Variants in PCCB observed in about 807,000 individuals in gnomAD.
PCCB encodes the protein propionyl-CoA carboxylase beta chain, mitochondrial.
Under a neutral mutation model 60.7 loss-of-function variants are expected in PCCB, and 43 were observed. That is an observed-to-expected ratio of 0.71 (90% CI 0.55 to 0.91). PCCB has a LOEUF of 0.91. Among genes scored for constraint, PCCB ranks in the 40% least tolerant of loss-of-function variants. The pLI is 0.00. For missense variants in PCCB, 766 were observed against 702.8 expected (o/e 1.09, Z -1.02); for synonymous variants, 276 against 255.9 (o/e 1.08, Z -0.75).
At chr3:136,265,608 T>C (rs1363975707) in intron 5 of PCCB, among the ~76,000 whole-genome samples, 1 of 152,224 alleles carries the variant, frequency 6.6e-6, no homozygotes, top group Non-Finnish European at 1.5e-5. Flanking sequence ...CTGTGAACAT[T>C]TGTGTATTAC....
rs115533065 is a variant in PCCB, at chr3:136,330,117, C to A, written c.*91C>A. 1.1e-4 allele frequency: 184 copies of A among 1,602,780 alleles called. No individual in the cohort carries two copies. The African/African-American group carries it at 1.8e-3, about 15-fold the overall frequency. On this transcript the variant is annotated 3_prime_UTR_variant, in exon 15 of 15. Coordinates refer to ENST00000251654, the MANE Select transcript of PCCB (RefSeq NM_000532.5). The stretch of plus-strand genomic sequence containing the variant: ...TTTTGCAATCATGAAACCTGGGAAT[C>A]CAAATAGTTGGATAACTTAGAATAA...
chr3:136,259,128 GC>G, intron 3 of PCCB: 1 of 1,441,692 alleles, frequency 6.9e-7, no homozygotes, highest in Non-Finnish European at 9.1e-7. Flanking sequence ...AGCAGAAGAA[GC>G]AGTGAGAGCT....
intron 5 of PCCB, among the ~76,000 whole-genome samples, chr3:136,265,213 T>TATATATATATATATATATATATATATA (rs1941954969): frequency 2.0e-5 from 3 of 151,996 alleles, no homozygotes; most frequent in African/African-American, 7.2e-5. Context: ...AGTAGCTTTA[T>TATATATATATATATATATATATATATA]TGAGATATAA....
intron 14 of PCCB, among the ~76,000 whole-genome samples, chr3:136,329,154 G>A (rs928292890): frequency 3.3e-5 from 5 of 152,204 alleles, no homozygotes; most frequent in Admixed American, 1.3e-4. Context: ...ACTAACCACC[G>A]TTTCCCCCAC....
intron 9 of PCCB, among the ~76,000 whole-genome samples, chr3:136,315,248 G>A (rs1004870045): frequency 6.6e-6 from 1 of 152,134 alleles, no homozygotes; most frequent in Non-Finnish European, 1.5e-5. Context: ...CATATAATAA[G>A]AAATAGTGGC....
Position 136,293,843 on chromosome 3 carries a change from A to G in PCCB, c.742A>G (p.Lys248Glu). The G allele has an allele frequency of 6.2e-7, 1 of 1,601,536 alleles. No homozygotes were observed. Among genetic ancestry groups the G allele is most frequent in the Non-Finnish European group, 8.6e-7 (1 of 1,168,730 alleles). The change falls in exon 7 of 15, where the codon AAG becomes GAG. Residue 248 changes from lysine to glutamate, a missense_variant. Transcript: ENST00000251654. ...DVTQEELGGA[K>E]THTTMSGVAH... ...TACCCAGGAGGAGCTCGGTGGTGCCAAGACCCACACCACCATGTCAGGTGA... is the reference window on the plus strand; with the variant it reads ...TACCCAGGAGGAGCTCGGTGGTGCCGAGACCCACACCACCATGTCAGGTGA...
intron 7 of PCCB, among the ~76,000 whole-genome samples, chr3:136,294,239 C>G (rs1344789132): frequency 6.6e-6 from 1 of 152,058 alleles, no homozygotes; most frequent in Non-Finnish European, 1.5e-5. Flanking sequence ...TCTTAGAGTA[C>G]ATAAGTGTTT....
chr3:136,277,254 C>A (rs1942351673), intron 5 of PCCB, among the ~76,000 whole-genome samples: 1 of 152,186 alleles, frequency 6.6e-6, no homozygotes, highest in Non-Finnish European at 1.5e-5. Flanking sequence ...CAGGGTTTTG[C>A]AGGCAATGAT....
rs959605474 is a variant in PCCB, at chr3:136,314,688, CAAAA to C, written c.967-2249_967-2246del. On this transcript the variant is annotated intron_variant, in intron 9 of 14. Transcript: ENST00000251654. ...CAAAAACAAAAACAAAAAAACAAAACAAAAAAACTCACCATTTGGCAGCTATCAT... is the reference window on the plus strand; with the variant it reads ...CAAAAACAAAAACAAAAAAACAAAACAAACTCACCATTTGGCAGCTATCAT... 2.6e-5 allele frequency among the ~76,000 whole-genome samples: 4 copies of C among 151,862 alleles called. No homozygotes were observed. In the East Asian group the frequency reaches 5.8e-4, roughly 22 times the overall value.
At chr3:136,291,604 C>T (rs1440211146) in intron 6 of PCCB, among the ~76,000 whole-genome samples, 4 of 152,082 alleles carry the variant, frequency 2.6e-5, no homozygotes, top group Admixed American at 6.5e-5. Flanking sequence ...GTGGCTAGAG[C>T]GGGTTGGGGC....
Position 136,283,849 on chromosome 3 carries a change from G to A in PCCB, c.556G>A (p.Ala186Thr). The change falls in exon 6 of 15, where the codon GCA (alanine) becomes ACA (threonine). Residue 186 changes from alanine to threonine, a missense_variant. Physicochemically the swap from Ala to Thr is moderately conservative, Grantham distance 58 (BLOSUM62 0). Transcript: ENST00000251654. Reference protein sequence around the residue: ...YADIFLRNVTASGVIPQISLI... With the variant: ...YADIFLRNVTTSGVIPQISLI... ...TCTGTTTTGGCAGAGGAATGTTACGGCATCCGGAGTCATCCCTCAGATTTC... is the reference window on the plus strand; with the variant it reads ...TCTGTTTTGGCAGAGGAATGTTACGACATCCGGAGTCATCCCTCAGATTTC... The A allele has an allele frequency of 6.2e-7, 1 of 1,611,736 alleles. No individual in the cohort carries two copies. Among genetic ancestry groups the A allele is most frequent in the Non-Finnish European group, 8.5e-7 (1 of 1,177,904 alleles).
intron 5 of PCCB, among the ~76,000 whole-genome samples, chr3:136,275,324 A>G (rs529017225): frequency 3.3e-5 from 5 of 151,574 alleles, no homozygotes; most frequent in Non-Finnish European, 4.4e-5. Context: ...TTTCCTTCAT[A>G]TTCTGAATTG....
chr3:136,323,460 A>C (rs7633476), intron 10 of PCCB, among the ~76,000 whole-genome samples: 1 of 151,842 alleles, frequency 6.6e-6, no homozygotes, highest in Non-Finnish European at 1.5e-5. Context: ...TTCTTTGTCC[A>C]TGTTTTCCTT....
At chr3:136,269,570 G>A (rs4678428) in intron 5 of PCCB, among the ~76,000 whole-genome samples, 112,749 of 152,106 alleles carry the variant, frequency 0.74, 42,052 homozygotes, top group East Asian at 0.86. Flanking sequence ...CTGTAGTACA[G>A]TGTTAAGTAG....
intron 3 of PCCB, chr3:136,260,057 TTTTTGTTTTG>T (rs10602343): frequency 0.01 from 2,662 of 256,600 alleles, 72 homozygotes; most frequent in African/African-American, 0.058. Flanking sequence ...CGGGCAACTT[TTTTTGTTTTG>T]TTTTGTTTTG....
intron 10 of PCCB, among the ~76,000 whole-genome samples, chr3:136,318,347 G>C (rs182999096): frequency 1.3e-5 from 2 of 152,108 alleles, no homozygotes; most frequent in Admixed American, 1.3e-4. Context: ...CCGAGATCAC[G>C]CCACTGCATG....
chr3:136,316,963 T>C lies in PCCB; in HGVS notation c.989T>C (p.Phe330Ser). The C allele has an allele frequency of 6.2e-7, 1 of 1,614,166 alleles. No homozygotes were observed. Among genetic ancestry groups the C allele is most frequent in the Non-Finnish European group, 8.5e-7 (1 of 1,179,990 alleles). ...IHSVVDEREF[F>S]EIMPNYAKNI... ...CAGGTTGTTGATGAGCGTGAATTTT[T>C]TGAGATCATGCCCAATTATGCCAAG... The change falls in exon 10 of 15, where the codon TTT (phenylalanine) becomes TCT (serine). Residue 330 changes from phenylalanine (F) to serine (S), a missense_variant. Physicochemically the swap from Phe to Ser is radical, Grantham distance 155. Transcript: ENST00000251654.
At position 136,303,448 on chromosome 3, in the gene PCCB, T is replaced by C. The variant is rs1934357181; in HGVS notation, c.966+2337T>C. 1.6e-5 allele frequency among the ~76,000 whole-genome samples: 2 copies of C among 122,528 alleles called. 1 individual carries two copies. Among genetic ancestry groups the C allele is most frequent in the African/African-American group, 5.0e-5 (2 of 40,116 alleles). 80.4% of individuals were successfully genotyped at this position (122,528 alleles called of 152,430 possible). A position where few individuals can be genotyped will look rare whatever the true frequency, so the allele number is the denominator to read the frequency against. Reference sequence around the variant, plus strand: ...AAATCTATCCTAGTAGATTTCTGAATACTAAACTTCCTTCATTCCTGAAGT... The same window carrying C: ...AAATCTATCCTAGTAGATTTCTGAACACTAAACTTCCTTCATTCCTGAAGT... On this transcript the variant is annotated intron_variant, in intron 9 of 14. Transcript: ENST00000251654.
chr3:136,252,518 A>T (rs1296697684), intron 1 of PCCB: 2 of 331,250 alleles, frequency 6.0e-6, no homozygotes, highest in Non-Finnish European at 1.2e-5. Flanking sequence ...AAGTGCTGGG[A>T]TGACAGAATT....
Sources: allele counts gnomAD v4.1 joint callset (sites outside exome capture counted in the v4.1 genomes callset), GRCh38; gene constraint gnomAD v4.1.1; transcripts MANE v1.5; gene names NCBI Gene and HGNC (gene_info 2026-07-23, HGNC 2026-07-21).